The following CYP2F1 variants were observed in gnomAD, a reference collection of about 807,000 sequenced individuals.
CYP2F1 encodes cytochrome P450 2F1.
In CYP2F1, 33 loss-of-function variants were observed where a neutral mutation model predicts 40.4. The observed-to-expected ratio is 0.82, with a 90% confidence interval of 0.62 to 1.09. CYP2F1 has a LOEUF of 1.09. CYP2F1 is among the 50% of genes least tolerant of loss of function. The pLI is 0.00. For missense variants in CYP2F1, 566 were observed against 655.7 expected (o/e 0.86, Z 1.49); for synonymous variants, 235 against 277.2 (o/e 0.85, Z 1.51).
chr19:41,115,065 C>G (rs887170021), intron 1 of CYP2F1, among the ~76,000 whole-genome samples: 2 of 152,162 alleles, frequency 1.3e-5, no homozygotes, highest in African/African-American at 2.4e-5. Context: ...CCACCGTGCC[C>G]GGCCTCAGTC....
intron 7 of CYP2F1, among the ~76,000 whole-genome samples, chr19:41,123,805 T>C (rs2032372354): frequency 6.6e-6 from 1 of 152,154 alleles, no homozygotes; most frequent in African/African-American, 2.4e-5. Flanking sequence ...GTTACAGGTG[T>C]GAGCCACCGC....
chr19:41,117,493 A>G (rs2031891680), intron 3 of CYP2F1, among the ~76,000 whole-genome samples: 1 of 151,968 alleles, frequency 6.6e-6, no homozygotes, highest in Admixed American at 6.6e-5. Flanking sequence ...CCAATTACCT[A>G]TTGAAATTTC....
At chr19:41,117,378 T>C (rs305969) in intron 3 of CYP2F1, among the ~76,000 whole-genome samples, 59,661 of 151,840 alleles carry the variant, frequency 0.39, 12,474 homozygotes, top group African/African-American at 0.54. Context: ...GTGATCCACC[T>C]ACCTCGGCAT....
intron 9 of CYP2F1, 37 bp from the exon 10 acceptor site, chr19:41,127,864 T>G (rs1185975847): frequency 4.4e-6 from 7 of 1,584,698 alleles, no homozygotes; most frequent in Admixed American, 1.7e-5. Flanking sequence ...AACCTCATCT[T>G]ATCTCACCGC....
chr19:41,120,273 A>G, intron 3 of CYP2F1, 74 bp from the exon 4 acceptor site: 1 of 1,433,092 alleles, frequency 7.0e-7, no homozygotes, highest in East Asian at 2.3e-5. Context: ...AGCAAATACC[A>G]TGAAAGGGGA....
In CYP2F1 at chr19:41,114,788, C is replaced by CTTT. The variant is rs36044091; in HGVS notation, c.-12+317_-12+319dup. ...CGTCTCTTTCTCTCTCTCTCTCTCT[C>CTTT]TTTTTTTTTTTTTTTTTTTTTTTGA... On this transcript the variant is annotated intron_variant, in intron 1 of 9. Transcript: ENST00000331105. 4.4e-3 allele frequency among the ~76,000 whole-genome samples: 441 copies of CTTT among 100,032 alleles called. 1 individual carries two copies. Among genetic ancestry groups the CTTT allele is most frequent in the Middle Eastern group, 9.9e-3 (2 of 202 alleles). 65.6% of individuals were successfully genotyped at this position (100,032 alleles called of 152,430 possible).
intron 7 of CYP2F1, among the ~76,000 whole-genome samples, chr19:41,123,747 C>A: frequency 6.6e-6 from 1 of 152,164 alleles, no homozygotes; most frequent in East Asian, 1.9e-4. Context: ...TGGTCCCCAA[C>A]TCCTGGGCTC....
At position 41,121,372 on chromosome 19, in the gene CYP2F1, T is replaced by A. The variant is rs183947879; in HGVS notation, c.485-86T>A. 125 of 1,344,666 alleles carry A rather than the reference T, an allele frequency of 9.3e-5. 6 individuals are homozygous for A. The East Asian group carries it at 2.4e-3, about 26-fold the overall frequency. The allele number at this position is 1,344,666 out of a possible 1,614,324, so 83.3% of individuals were successfully genotyped here. A position where few individuals can be genotyped will look rare whatever the true frequency, so the allele number is the denominator to read the frequency against. On this transcript the variant is annotated intron_variant, in intron 4 of 9. Transcript: ENST00000331105. ...GACACGTTGCCATGGTTGAGTCGGA[T>A]GTTGTACAAATTAATGGTGTTGCTG...
chr19:41,116,345 A>C lies in CYP2F1; in HGVS notation c.157A>C (p.Thr53Pro), dbSNP rs2031803300. The C allele has an allele frequency of 5.0e-6, 8 of 1,613,956 alleles. No individual in the cohort carries two copies. In the East Asian group the frequency reaches 1.3e-4, roughly 27 times the overall value. The change falls in exon 2 of 10, where the codon ACT (threonine) becomes CCT (proline). Residue 53 changes from threonine (T) to proline (P), a missense_variant. By Grantham distance (38) the Thr-to-Pro change is conservative. Around this residue, in one of 5 missense-constraint regions of CYP2F1, gnomAD observed 264 missense variants for 275.7 expected, o/e 0.96. Coordinates refer to ENST00000331105, the MANE Select transcript of CYP2F1 (RefSeq NM_000774.5). Reference protein sequence around the residue: ...LLLLCSQDMLTSLTKLSKEYG... With the variant: ...LLLLCSQDMLPSLTKLSKEYG... ...GCTGCTTTGCTCCCAAGACATGCTG[A>C]CTTCTCTCACTAAGGTGCAAGGCCC...
chr19:41,118,869 C>G (rs781146173), intron 3 of CYP2F1, among the ~76,000 whole-genome samples: 1 of 152,194 alleles, frequency 6.6e-6, no homozygotes, highest in South Asian at 2.1e-4. Flanking sequence ...ACACTATAGT[C>G]TTTTTTCTCT....
At chr19:41,124,976 G>A in intron 8 of CYP2F1, 70 bp downstream of exon 8, 1 of 1,372,284 alleles carries the variant, frequency 7.3e-7, no homozygotes, top group Non-Finnish European at 9.8e-7. Flanking sequence ...CACTGGCAAG[G>A]AGTATCCCAG....
Position 41,118,647 on chromosome 19 carries a change from G to A in CYP2F1, c.335-1700G>A, listed in dbSNP as rs571284814. Among the ~76,000 whole-genome samples, 414 of 152,220 alleles carry A rather than the reference G, an allele frequency of 2.7e-3. 1 individual carries two copies. Among genetic ancestry groups the A allele is most frequent in the Middle Eastern group, 0.014 (4 of 294 alleles). On this transcript the variant is annotated intron_variant, in intron 3 of 9. Transcript: ENST00000331105. ...TTTTGCACAGAAAACATCTGGATGG[G>A]TACATCGTTTGTTACCAAAAATAGC...
chr19:41,115,752 CAAAGAAAGAAAGAAAAAGAAA>C (rs1303387859), intron 1 of CYP2F1, among the ~76,000 whole-genome samples: 6 of 135,174 alleles, frequency 4.4e-5, no homozygotes, highest in Admixed American at 2.9e-4. Flanking sequence ...AGATGAGAAA[CAAAGAAAGAAAGAAAAAGAAA>C]AAAGAAAGAA....
chr19:41,119,723 C>CTATATATATATATATATATATATATA (rs1290627675), intron 3 of CYP2F1, among the ~76,000 whole-genome samples: 1 of 35,806 alleles, frequency 2.8e-5, no homozygotes, highest in Non-Finnish European at 5.2e-5. Context: ...CTCTCTCTCT[C>CTATATATATATATATATATATATATA]TATATATATA....
intron 9 of CYP2F1, 111 bp from the exon 10 acceptor site, chr19:41,127,790 G>C (rs997375512): frequency 1.8e-5 from 13 of 741,574 alleles, no homozygotes; most frequent in Non-Finnish European, 2.7e-5. Context: ...AATCTGTGAC[G>C]TCCCCAGCTG....
rs1568381312 is a variant in CYP2F1, at chr19:41,124,243, CTT to C, written c.965-475_965-474del. On this transcript the variant is annotated intron_variant, in intron 7 of 9. Coordinates refer to ENST00000331105, the MANE Select transcript of CYP2F1 (RefSeq NM_000774.5). ...TGGCTAATTCTTTTTTTTTTTTCCT[CTT>C]CCCCCCCCCCTTTTTTTTTTTTTTT... Among the ~76,000 whole-genome samples, 24 of 66,424 alleles carry C rather than the reference CTT, an allele frequency of 3.6e-4. 1 individual carries two copies. The highest frequency in any genetic ancestry group is 5.6e-4 in the Non-Finnish European group (19 of 34,034). 43.6% of individuals were successfully genotyped at this position (66,424 alleles called of 152,430 possible).
chr19:41,116,425 C>A, intron 2 of CYP2F1, 30 bp from the exon 3 acceptor site: 1 of 1,607,764 alleles, frequency 6.2e-7, no homozygotes, highest in Non-Finnish European at 8.5e-7. Context: ...GCCACAGGCC[C>A]CCCTGTAACT....
Position 41,121,571 on chromosome 19 carries a change from C to A in CYP2F1, c.598C>A (p.Arg200Ser). ...YDDERLLTII[R>S]LINDNFQIMS... ...TGATGAGCGTCTGCTCACCATTATCCGCCTTATCAATGACAACTTCCAAAT... is the reference window on the plus strand; with the variant it reads ...TGATGAGCGTCTGCTCACCATTATCAGCCTTATCAATGACAACTTCCAAAT... The change falls in exon 5 of 10, where the codon CGC becomes AGC. Residue 200 changes from arginine to serine, a missense_variant. Physicochemically the swap from Arg to Ser is moderately radical, Grantham distance 110. This residue lies in a region of CYP2F1 where 264 missense variants were observed against 275.7 expected (regional missense o/e 0.96). Coordinates refer to ENST00000331105, the MANE Select transcript of CYP2F1 (RefSeq NM_000774.5). The A allele has an allele frequency of 6.2e-7, 1 of 1,610,210 alleles. No homozygotes were observed. The highest frequency in any genetic ancestry group is 8.5e-7 in the Non-Finnish European group (1 of 1,179,728).
At chr19:41,126,876 T>C (rs1049737638) in intron 9 of CYP2F1, among the ~76,000 whole-genome samples, 1 of 152,308 alleles carries the variant, frequency 6.6e-6, no homozygotes, top group East Asian at 1.9e-4. Context: ...GAGGTGGTTC[T>C]AGGGGTTTTT....
Sources: allele counts gnomAD v4.1 joint callset (sites outside exome capture counted in the v4.1 genomes callset), GRCh38; gene constraint gnomAD v4.1.1; regional missense constraint gnomAD v4.1.1; transcripts MANE v1.5; gene names NCBI Gene and HGNC (gene_info 2026-07-23, HGNC 2026-07-21).